CIT: variants seen among roughly 807,000 people sequenced by gnomAD.
CIT encodes the protein citron rho-interacting serine/threonine kinase.
In CIT, 79 loss-of-function variants were observed where a neutral mutation model predicts 272.7. The observed-to-expected ratio is 0.29, with a 90% CI of 0.24 to 0.35. The LOEUF (loss-of-function observed/expected upper bound fraction) is 0.35. CIT is among the 10% of genes least tolerant of loss of function. CIT has a pLI of 1.00. For synonymous variants in CIT, 948 were observed against 995.6 expected (o/e 0.95, Z 0.90); for missense variants, 1,909 against 2,618.3 (o/e 0.73, Z 5.91).
intron 32 of CIT, among the ~76,000 whole-genome samples, chr12:119,717,931 C>T (rs1957617592): frequency 6.8e-6 from 1 of 146,596 alleles, no homozygotes; most frequent in Non-Finnish European, 1.5e-5. Flanking sequence ...ACCTCCGCCT[C>T]CCGGATTCAA....
chr12:119,848,855 G>A (rs1039047993), intron 5 of CIT, among the ~76,000 whole-genome samples: 2 of 151,842 alleles, frequency 1.3e-5, no homozygotes, highest in Non-Finnish European at 2.9e-5. Context: ...GCAAAACCCC[G>A]TCTCTACTAA....
rs978511128 is a variant in CIT at position 119,790,973 on chromosome 12, G to A, written c.1296-5908C>T. ...CATTTATTGAGCACGTGTCAGGCACGTGTTTAGTGCTTCATGGGTTACTTC... is the reference window on the plus strand; with the variant it reads ...CATTTATTGAGCACGTGTCAGGCACATGTTTAGTGCTTCATGGGTTACTTC... On this transcript the variant is annotated intron_variant, in intron 10 of 47. Coordinates refer to ENST00000392521, the MANE Select transcript of CIT (RefSeq NM_001206999.2). Among the ~76,000 whole-genome samples, 5 of 152,290 alleles carry A rather than the reference G, an allele frequency of 3.3e-5. No homozygotes were observed. In the East Asian group the frequency reaches 5.8e-4, roughly 18 times the overall value.
intron 7 of CIT, among the ~76,000 whole-genome samples, chr12:119,826,625 C>G (rs902527401): frequency 6.6e-6 from 1 of 152,156 alleles, no homozygotes; most frequent in Non-Finnish European, 1.5e-5. Context: ...ACTTTTCTCC[C>G]CATCAAAACA....
Position 119,735,150 on chromosome 12 carries a change from C to T in CIT, c.3156+10G>A. Reference sequence around the variant, plus strand: ...TCCAGGGATCTCACGACCTTGTTAACCCTCCTTACTTGCTTCTGGCTGGTA... The same window carrying T: ...TCCAGGGATCTCACGACCTTGTTAATCCTCCTTACTTGCTTCTGGCTGGTA... On this transcript the variant is annotated intron_variant, in intron 25 of 47. Transcript: ENST00000392521. The T allele has an allele frequency of 6.2e-7, 1 of 1,613,046 alleles. No homozygotes were observed. The highest frequency in any genetic ancestry group is 8.5e-7 in the Non-Finnish European group (1 of 1,179,708).
rs372312938 is a variant in CIT, at chr12:119,697,925, A to G, written c.5702+51T>C. On this transcript the variant is annotated intron_variant, in intron 45 of 47. Coordinates refer to ENST00000392521, the MANE Select transcript of CIT (RefSeq NM_001206999.2). This position sits in a 1 kb window ranked among gnomAD's most constrained non-coding sequence, Gnocchi z 4.9. ...AGGAAGGAACATGCGGCCGGCCCCA[A>G]CACCTACCCCAATAGCTGAAGTTTT... is the stretch of plus-strand genomic sequence containing the variant. 334 of 1,613,280 alleles carry G rather than the reference A, an allele frequency of 2.1e-4. No homozygotes were observed. The highest frequency in any genetic ancestry group is 2.8e-4 in the Non-Finnish European group (326 of 1,179,238).
intron 7 of CIT, among the ~76,000 whole-genome samples, chr12:119,829,796 G>T (rs1968480217): frequency 6.6e-6 from 1 of 152,112 alleles, no homozygotes. Context: ...ATACTCCAAA[G>T]CAACATTCTG....
Position 119,712,436 on chromosome 12 carries a change from C to A in CIT, c.4685-89G>T. 6.9e-7 allele frequency: 1 copy of A among 1,456,686 alleles called. No individual in the cohort carries two copies. Among genetic ancestry groups the A allele is most frequent in the Non-Finnish European group, 9.4e-7 (1 of 1,065,482 alleles). 90.2% of individuals were successfully genotyped at this position (1,456,686 alleles called of 1,614,324 possible). On this transcript the variant is annotated intron_variant, in intron 36 of 47. Transcript: ENST00000392521. The surrounding 1 kb of genome is among the most constrained non-coding windows in gnomAD (Gnocchi z 5.2). Reference sequence around the variant, plus strand: ...GGCCTGAGAGATCAAAGATGCCCACCAAACCACGCAAATCCCAGTTACCGC... The same window carrying A: ...GGCCTGAGAGATCAAAGATGCCCACAAAACCACGCAAATCCCAGTTACCGC...
chr12:119,763,947 T>C (rs1184937144), intron 19 of CIT, among the ~76,000 whole-genome samples: 1 of 152,112 alleles, frequency 6.6e-6, no homozygotes, highest in Non-Finnish European at 1.5e-5. Flanking sequence ...ATAAAAAACA[T>C]TTTCCCAAAA....
intron 26 of CIT, among the ~76,000 whole-genome samples, chr12:119,731,270 T>C (rs1400534060): frequency 2.0e-5 from 3 of 151,246 alleles, no homozygotes; most frequent in Admixed American, 6.6e-5. Flanking sequence ...AGGTCAAGAG[T>C]TCGAGACCAG....
At chr12:119,868,915 G>T in intron 3 of CIT, 145 bp downstream of exon 3, 1 of 912,278 alleles carries the variant, frequency 1.1e-6, no homozygotes, top group Non-Finnish European at 1.7e-6. Flanking sequence ...TATAAGAGGT[G>T]CAGCCTGAAT....
At position 119,720,526 on chromosome 12, in the gene CIT, G is replaced by T. The variant is rs966971857; in HGVS notation, c.3792C>A (p.Leu1264=). Reference sequence around the variant, plus strand: ...CCATTTTGGCTTGCAGAAAATCAATGAGTTTGGTTTGTTGAGAAATAGTGC... The same window carrying T: ...CCATTTTGGCTTGCAGAAAATCAATTAGTTTGGTTTGTTGAGAAATAGTGC... ...MEGTISQQTK[L]IDFLQAKMDQ... The change falls in exon 30 of 48, where the codon CTC becomes CTA. Residue 1264 remains leucine, a synonymous_variant. Transcript: ENST00000392521. 4.3e-6 allele frequency: 7 copies of T among 1,610,534 alleles called. No homozygotes were observed. The African/African-American group carries it at 8.0e-5, about 18-fold the overall frequency.
chr12:119,872,259 T>C (rs931607981), intron 2 of CIT, among the ~76,000 whole-genome samples: 10 of 152,110 alleles, frequency 6.6e-5, no homozygotes, highest in Non-Finnish European at 2.9e-5. Flanking sequence ...AAATAAAAAG[T>C]TGGAAAACCT....
chr12:119,718,476 T>G lies in CIT; in HGVS notation c.4004-67A>C. 6.5e-7 allele frequency: 1 copy of G among 1,541,990 alleles called. No homozygotes were observed. The highest frequency in any genetic ancestry group is 2.3e-5 in the East Asian group (1 of 44,216). On this transcript the variant is annotated intron_variant, in intron 31 of 47. Transcript: ENST00000392521. This position sits in a 1 kb window ranked among gnomAD's most constrained non-coding sequence, Gnocchi z 4.8. ...GCCTAGAGGACCAAACTAAGCCGAATGTCCCTGGGCTATCTTTCAAGGACC... is the reference window on the plus strand; with the variant it reads ...GCCTAGAGGACCAAACTAAGCCGAAGGTCCCTGGGCTATCTTTCAAGGACC...
At chr12:119,760,842 A>C in intron 20 of CIT, 97 bp downstream of exon 20, 1 of 814,674 alleles carries the variant, frequency 1.2e-6, no homozygotes, top group Non-Finnish European at 2.1e-6. Context: ...CAACAGAAGG[A>C]ATTTCACCAG....
intron 2 of CIT, 115 bp from the exon 3 acceptor site, chr12:119,869,316 T>G: frequency 2.1e-6 from 2 of 951,862 alleles, no homozygotes; most frequent in South Asian, 3.7e-5. Context: ...CACGACATGC[T>G]AACAGCACAA....
chr12:119,846,025 T>C, intron 5 of CIT, among the ~76,000 whole-genome samples: 1 of 151,160 alleles, frequency 6.6e-6, no homozygotes, highest in Non-Finnish European at 1.5e-5. Context: ...AACTAGGTGA[T>C]GGTAATAAGA....
In CIT at chr12:119,837,969, G is replaced by A. The variant is rs539083147; in HGVS notation, c.517-3741C>T. Among the ~76,000 whole-genome samples, 5 of 152,188 alleles carry A rather than the reference G, an allele frequency of 3.3e-5. No homozygotes were observed. In the South Asian group the frequency reaches 6.2e-4, roughly 19 times the overall value. Reference sequence around the variant, plus strand: ...CTAAATCAATACTTGAGTGCCTATCGTGCCAGCCACTATTCTAGATGTTAG... The same window carrying A: ...CTAAATCAATACTTGAGTGCCTATCATGCCAGCCACTATTCTAGATGTTAG... On this transcript the variant is annotated intron_variant, in intron 5 of 47. Coordinates refer to ENST00000392521, the MANE Select transcript of CIT (RefSeq NM_001206999.2).
intron 9 of CIT, among the ~76,000 whole-genome samples, chr12:119,808,313 T>C (rs2137922951): frequency 6.6e-6 from 1 of 152,366 alleles, no homozygotes; most frequent in East Asian, 1.9e-4. Flanking sequence ...TTTGATTTTT[T>C]AGCATAGCCC....
chr12:119,824,885 G>C (rs138689173), intron 8 of CIT, among the ~76,000 whole-genome samples: 1 of 152,020 alleles, frequency 6.6e-6, no homozygotes, highest in Non-Finnish European at 1.5e-5. Context: ...TGTAAGCTCC[G>C]CCTCCCGGGT....
Sources: allele counts gnomAD v4.1 joint callset (sites outside exome capture counted in the v4.1 genomes callset), GRCh38; gene constraint gnomAD v4.1.1; non-coding constraint Gnocchi (gnomAD v3.1); transcripts MANE v1.5; gene names NCBI Gene and HGNC (gene_info 2026-07-23, HGNC 2026-07-21).